Variants in SEC24B observed in about 807,000 individuals in gnomAD.
SEC24B encodes SEC24 homolog B, COPII component.
Under a neutral mutation model 142.8 loss-of-function variants are expected in SEC24B, and 45 were observed. The ratio of observed to expected loss-of-function variants is 0.32; its 90% CI spans 0.25 to 0.40. The LOEUF is 0.40. Among genes scored for constraint, SEC24B ranks in the 10% least tolerant of loss-of-function variants. The pLI, the probability that SEC24B is intolerant of heterozygous loss-of-function variation, is 1.00. For missense variants in SEC24B, 1,409 were observed against 1,526.8 expected (o/e 0.92, Z 1.29); for synonymous variants, 574 against 568.2 (o/e 1.01, Z -0.15).
chr4:109,483,013 A>G (rs1198881377), intron 4 of SEC24B, among the ~76,000 whole-genome samples: 21 of 91,560 alleles, frequency 2.3e-4, no homozygotes, highest in Non-Finnish European at 6.3e-5. Flanking sequence ...CATATTATAC[A>G]TATGTTTTTT....
At chr4:109,463,970 G>T (rs1430511124) in intron 2 of SEC24B, among the ~76,000 whole-genome samples, 1 of 152,096 alleles carries the variant, frequency 6.6e-6, no homozygotes, top group Non-Finnish European at 1.5e-5. Context: ...GGATATGTTG[G>T]CCACTATTTT....
intron 10 of SEC24B, among the ~76,000 whole-genome samples, chr4:109,516,267 C>T (rs1245122933): frequency 1.3e-5 from 2 of 152,156 alleles, no homozygotes; most frequent in Admixed American, 6.5e-5. Context: ...TCTTAGCCAA[C>T]ACTCCTTATC....
chr4:109,474,115 C>T (rs1732819001), intron 3 of SEC24B, among the ~76,000 whole-genome samples: 1 of 152,196 alleles, frequency 6.6e-6, no homozygotes, highest in Admixed American at 6.5e-5. Flanking sequence ...TGATACATTA[C>T]ACATTTTCTT....
intron 5 of SEC24B, among the ~76,000 whole-genome samples, chr4:109,493,407 G>C (rs1387052705): frequency 6.6e-6 from 1 of 152,164 alleles, no homozygotes; most frequent in Admixed American, 6.6e-5. Context: ...CTTCAAAATA[G>C]GACTAAACAG....
rs189745944 is a variant in SEC24B at position 109,458,139 on chromosome 4, C to T, written c.134-4762C>T. On this transcript the variant is annotated intron_variant, in intron 1 of 23. Coordinates refer to ENST00000265175, the MANE Select transcript of SEC24B (RefSeq NM_006323.5). ...TTCTTAGATCATTTTCTTAACCAAT[C>T]TTCAAGGTTGGTCAACTTAATCAAG... Among the ~76,000 whole-genome samples, 293 of 151,932 alleles carry T rather than the reference C, an allele frequency of 1.9e-3. 4 individuals carry two copies. Among genetic ancestry groups the T allele is most frequent in the Non-Finnish European group, 1.7e-3 (117 of 67,946 alleles).
chr4:109,473,542 C>G (rs1267354360), intron 3 of SEC24B, among the ~76,000 whole-genome samples: 1 of 152,134 alleles, frequency 6.6e-6, no homozygotes, highest in Non-Finnish European at 1.5e-5. Context: ...TATTTAGTGA[C>G]TCTCCATATC....
At chr4:109,490,945 A>G (rs1443218166) in intron 4 of SEC24B, among the ~76,000 whole-genome samples, 1 of 152,156 alleles carries the variant, frequency 6.6e-6, no homozygotes, top group Non-Finnish European at 1.5e-5. Context: ...ATACCCTAAT[A>G]TTGATAAAAT....
At position 109,489,743 on chromosome 4, in the gene SEC24B, G is replaced by T. The variant is rs549321938; in HGVS notation, c.1166-1584G>T. On this transcript the variant is annotated intron_variant, in intron 4 of 23. Coordinates refer to ENST00000265175, the MANE Select transcript of SEC24B (RefSeq NM_006323.5). ...TTATTTCACTTAAGCAAATTTTCAG[G>T]TTTCATTCACATTGTAGCGTGTATC... is the stretch of plus-strand genomic sequence containing the variant. 2.1e-3 allele frequency among the ~76,000 whole-genome samples: 313 copies of T among 150,300 alleles called. 1 individual carries two copies. Among genetic ancestry groups the T allele is most frequent in the African/African-American group, 7.2e-3 (296 of 41,086 alleles).
intron 3 of SEC24B, among the ~76,000 whole-genome samples, chr4:109,475,990 CTT>C (rs35172512): frequency 2.7e-4 from 36 of 134,634 alleles, no homozygotes; most frequent in Middle Eastern, 3.7e-3. Context: ...TTCTCTCTCT[CTT>C]TTTTTTTTTT....
rs1198053755 is a variant in SEC24B, at chr4:109,540,712, A to T, written c.*1037A>T. 1 of 152,052 alleles carries T rather than the reference A, an allele frequency of 6.6e-6. No homozygotes were observed. Among genetic ancestry groups the T allele is most frequent in the African/African-American group, 2.4e-5 (1 of 41,408 alleles). The allele number at this position is 152,052 out of a possible 1,614,324, so 9.4% of individuals were successfully genotyped here. A position where few individuals can be genotyped will look rare whatever the true frequency, so the allele number is the denominator to read the frequency against. On this transcript the variant is annotated 3_prime_UTR_variant, in exon 24 of 24. Coordinates refer to ENST00000265175, the MANE Select transcript of SEC24B (RefSeq NM_006323.5). ...TGCCTGACCAACATGATGAAACCCC[A>T]TCTCTGCTAAAAATACCAAAATTAG...
rs570700240 is a variant in SEC24B at position 109,534,116 on chromosome 4, C to T, written c.3588+431C>T. On this transcript the variant is annotated intron_variant, in intron 22 of 23. Transcript: ENST00000265175. ...GTAGTGCAGTGGCTCAGTAATGGCT[C>T]ACTATAGCCTCGACCTCCCATACTT... is the stretch of plus-strand genomic sequence containing the variant. 7.3e-5 allele frequency among the ~76,000 whole-genome samples: 11 copies of T among 151,496 alleles called. No individual in the cohort carries two copies. The South Asian group carries it at 2.3e-3, about 31-fold the overall frequency.
At chr4:109,489,838 C>T (rs2126000380) in intron 4 of SEC24B, among the ~76,000 whole-genome samples, 1 of 151,768 alleles carries the variant, frequency 6.6e-6, no homozygotes, top group South Asian at 2.1e-4. Context: ...ATCCATTCAT[C>T]TGTTGATGAA....
At chr4:109,439,474 A>ATTTTTTTTTTTTTTTTT (rs70949077) in intron 1 of SEC24B, among the ~76,000 whole-genome samples, 2 of 43,996 alleles carry the variant, frequency 4.5e-5, no homozygotes, top group Non-Finnish European at 8.0e-5. Context: ...TCCTAAGCTG[A>ATTTTTTTTTTTTTTTTT]TTTTTTTTTT....
intron 1 of SEC24B, among the ~76,000 whole-genome samples, chr4:109,455,876 A>G (rs193022257): frequency 6.6e-6 from 1 of 152,232 alleles, no homozygotes; most frequent in Admixed American, 6.5e-5. Context: ...ACTTTGTATT[A>G]CTATAGAAAT....
In SEC24B at chr4:109,462,989, A is replaced by G; in HGVS notation, c.222A>G (p.Gly74=). The part of the protein sequence containing the change: ...YIAPSGHYSQ[G]PGKMTSLPLD... ...CTCCCTCAGGACATTACTCTCAAGG[A>G]CCTGGGAAAATGACCTCATTGCCAT... is the stretch of plus-strand genomic sequence containing the variant. Residue 74 remains glycine, a synonymous_variant, in exon 2 of 24, where the codon GGA becomes GGG. Transcript: ENST00000265175. 2 of 1,614,086 alleles carry G rather than the reference A, an allele frequency of 1.2e-6. No individual in the cohort carries two copies. Among genetic ancestry groups the G allele is most frequent in the Middle Eastern group, 3.3e-4 (2 of 6,062 alleles).
Position 109,533,677 on chromosome 4 carries a change from C to G in SEC24B, c.3580C>G (p.Gln1194Glu). 1 of 1,586,092 alleles carries G rather than the reference C, an allele frequency of 6.3e-7. No homozygotes were observed. Among genetic ancestry groups the G allele is most frequent in the Non-Finnish European group, 8.6e-7 (1 of 1,160,206 alleles). ...LGYTNFASIP[Q>E]KMTHLPELDT... The stretch of plus-strand genomic sequence containing the variant: ...ATATACTAATTTTGCATCAATACCA[C>G]AGAAAATGGTCAGTAGATTTTATAC... Residue 1194 changes from glutamine to glutamate, a missense_variant, in exon 22 of 24, where the codon CAG becomes GAG. Around this residue, in one of 2 missense-constraint regions of SEC24B, gnomAD observed 700 missense variants for 853.3 expected, o/e 0.82. Transcript: ENST00000265175.
intron 3 of SEC24B, among the ~76,000 whole-genome samples, chr4:109,480,499 C>T (rs1052489569): frequency 7.3e-5 from 11 of 149,824 alleles, no homozygotes; most frequent in Admixed American, 4.7e-4. Context: ...TTTTCTTTTT[C>T]TGAGATGGAG....
chr4:109,498,685 G>A (rs753332104), intron 6 of SEC24B, among the ~76,000 whole-genome samples: 8 of 152,086 alleles, frequency 5.3e-5, no homozygotes, highest in Non-Finnish European at 1.2e-4. Flanking sequence ...GAAGTTCCAG[G>A]TAGGGTAATA....
chr4:109,452,510 G>C (rs534738624), intron 1 of SEC24B, among the ~76,000 whole-genome samples: 2 of 152,144 alleles, frequency 1.3e-5, no homozygotes, highest in African/African-American at 4.8e-5. Flanking sequence ...TTATTTTTCA[G>C]GGTGGCTATA....
Sources: allele counts gnomAD v4.1 joint callset (sites outside exome capture counted in the v4.1 genomes callset), GRCh38; gene constraint gnomAD v4.1.1; regional missense constraint gnomAD v4.1.1; transcripts MANE v1.5; gene names NCBI Gene and HGNC (gene_info 2026-07-23, HGNC 2026-07-21).